NETO1: variants seen among roughly 807,000 people sequenced by gnomAD.
The protein encoded by NETO1 is neuropilin and tolloid-like protein 1.
A neutral mutation model predicts 61.3 loss-of-function variants in NETO1; 26 were observed. The ratio of observed to expected loss-of-function variants is 0.42; its 90% CI spans 0.31 to 0.59. The LOEUF (loss-of-function observed/expected upper bound fraction) is 0.59. NETO1 is among the 20% of genes least tolerant of loss of function. NETO1 has a pLI of 0.12. For synonymous variants in NETO1, 225 were observed against 225.8 expected, an observed-to-expected ratio of 1.00 and a Z score of 0.03; for missense variants, 531 against 662.8, an observed-to-expected ratio of 0.80 and a Z score of 2.18.
rs2074769068 is a variant in NETO1 at position 72,867,245 on chromosome 18, C to T, written c.28+19G>A. On this transcript the variant is annotated intron_variant, in intron 1 of 10. Transcript: ENST00000327305. ...GGCTGGCTCCGGGAGCGCACGGGCG[C>T]GGCGGGGAGGGTACTCACTGTGAAG... is the stretch of plus-strand genomic sequence containing the variant. 2.6e-6 allele frequency: 4 copies of T among 1,540,432 alleles called. No homozygotes were observed. Among genetic ancestry groups the T allele is most frequent in the Admixed American group, 1.9e-5 (1 of 52,564 alleles).
chr18:72,795,045 T>A (rs540647245), intron 4 of NETO1, among the ~76,000 whole-genome samples: 1 of 152,290 alleles, frequency 6.6e-6, no homozygotes, highest in South Asian at 2.1e-4. Flanking sequence ...CAACACCCAC[T>A]CTCCCTGTCT....
At chr18:72,748,389 A>G (rs2070480446) in intron 10 of NETO1, 1 of 643,502 alleles carries the variant, frequency 1.6e-6, no homozygotes, top group Non-Finnish European at 1.9e-6. Flanking sequence ...AGCCATTGTG[A>G]TATCTGATGA....
chr18:72,853,904 T>G (rs532260563), intron 4 of NETO1, among the ~76,000 whole-genome samples: 17 of 151,804 alleles, frequency 1.1e-4, no homozygotes, highest in African/African-American at 3.6e-4. Flanking sequence ...CTATCAGAAC[T>G]CTGATTATCT....
chr18:72,817,833 C>T (rs190259571), intron 4 of NETO1, among the ~76,000 whole-genome samples: 8 of 152,328 alleles, frequency 5.3e-5, no homozygotes, highest in Non-Finnish European at 1.0e-4. Flanking sequence ...CTTCCCACCC[C>T]AACATGCTCA....
intron 4 of NETO1, among the ~76,000 whole-genome samples, chr18:72,810,185 T>C: frequency 6.6e-6 from 1 of 152,218 alleles, no homozygotes; most frequent in East Asian, 1.9e-4. Flanking sequence ...ATTACCAAAA[T>C]ATTCAAATCT....
chr18:72,825,426 T>C (rs1014477825), intron 4 of NETO1, among the ~76,000 whole-genome samples: 4 of 152,136 alleles, frequency 2.6e-5, no homozygotes, highest in Non-Finnish European at 4.4e-5. Flanking sequence ...TGTAATTTCA[T>C]TAATATTATT....
chr18:72,743,119 C>G, downstream of NETO1, among the ~76,000 whole-genome samples: 1 of 152,158 alleles, frequency 6.6e-6, no homozygotes, highest in East Asian at 1.9e-4. Flanking sequence ...TTAAAATATT[C>G]TCCCTTGAAT....
At chr18:72,774,962 C>T (rs2071496502) in intron 7 of NETO1, among the ~76,000 whole-genome samples, 1 of 152,052 alleles carries the variant, frequency 6.6e-6, no homozygotes, top group South Asian at 2.1e-4. Context: ...TTTGTCTTGT[C>T]CCTGGGTTTC....
intron 8 of NETO1, among the ~76,000 whole-genome samples, chr18:72,753,610 T>C (rs2070694798): frequency 6.6e-6 from 1 of 152,160 alleles, no homozygotes; most frequent in African/African-American, 2.4e-5. Flanking sequence ...ATTGAACAGA[T>C]ACTAAATTAA....
chr18:72,751,528 T>G (rs1317607777), intron 8 of NETO1, among the ~76,000 whole-genome samples: 1 of 152,194 alleles, frequency 6.6e-6, no homozygotes, highest in African/African-American at 2.4e-5. Flanking sequence ...TGGACATGCT[T>G]CTTTTCTGGC....
chr18:72,760,125 C>T (rs1280384794), intron 7 of NETO1, among the ~76,000 whole-genome samples: 1 of 152,156 alleles, frequency 6.6e-6, no homozygotes, highest in Non-Finnish European at 1.5e-5. Flanking sequence ...ATTGACATCA[C>T]CATTTTATCA....
In NETO1 at chr18:72,853,650, C is replaced by T. The variant is rs969700981; in HGVS notation, c.469+5176G>A. Among the ~76,000 whole-genome samples the T allele has an allele frequency of 6.6e-5, 10 of 150,868 alleles. No homozygotes were observed. In the East Asian group the frequency reaches 1.8e-3, roughly 27 times the overall value. On this transcript the variant is annotated intron_variant, in intron 4 of 10. Transcript: ENST00000327305. ...TTGCATGCCTGGAATCCCAGCTACT[C>T]AGGAGACTGAGGCACGAGAATCACT...
At chr18:72,840,940 T>C (rs2073910278) in intron 4 of NETO1, among the ~76,000 whole-genome samples, 1 of 152,222 alleles carries the variant, frequency 6.6e-6, no homozygotes, top group South Asian at 2.1e-4. Context: ...CTAACCCATG[T>C]AGTCTTGAGC....
At chr18:72,845,085 AAC>A (rs1282183723) in intron 4 of NETO1, among the ~76,000 whole-genome samples, 2 of 152,226 alleles carry the variant, frequency 1.3e-5, no homozygotes, top group African/African-American at 4.8e-5. Context: ...CTAACATCTC[AAC>A]ATTTTGTATA....
chr18:72,820,809 A>C (rs2073168869), intron 4 of NETO1, among the ~76,000 whole-genome samples: 1 of 152,152 alleles, frequency 6.6e-6, no homozygotes, highest in Admixed American at 6.5e-5. Context: ...ACTCAAACTG[A>C]AAAACTGGCT....
intron 10 of NETO1, 60 bp from the exon 11 acceptor site, chr18:72,748,224 A>T: frequency 1.0e-6 from 1 of 981,026 alleles, no homozygotes; most frequent in Non-Finnish European, 1.2e-6. Context: ...CAAATACACC[A>T]ATTTATTAAG....
At chr18:72,787,534 T>C (rs1417631148) in intron 6 of NETO1, among the ~76,000 whole-genome samples, 1 of 152,198 alleles carries the variant, frequency 6.6e-6, no homozygotes, top group Non-Finnish European at 1.5e-5. Context: ...TAACATTGCA[T>C]GTAGAAACAC....
intron 7 of NETO1, among the ~76,000 whole-genome samples, chr18:72,775,593 C>G (rs1180415295): frequency 6.6e-6 from 1 of 152,104 alleles, no homozygotes; most frequent in Non-Finnish European, 1.5e-5. Context: ...ACAGAAGAAT[C>G]AAAATTCAGT....
intron 7 of NETO1, among the ~76,000 whole-genome samples, chr18:72,760,257 C>A (rs1342484136): frequency 6.6e-6 from 1 of 152,204 alleles, no homozygotes; most frequent in African/African-American, 2.4e-5. Context: ...AAAGCACTCA[C>A]CTAGAAAGTA....
Sources: allele counts gnomAD v4.1 joint callset (sites outside exome capture counted in the v4.1 genomes callset), GRCh38; gene constraint gnomAD v4.1.1; transcripts MANE v1.5; gene names NCBI Gene and HGNC (gene_info 2026-07-23, HGNC 2026-07-21).